The following GYG2 variants were observed in gnomAD, a reference collection of about 807,000 sequenced individuals.
GYG2 encodes glycogenin 2, also known as glycogenin-2.
A neutral mutation model predicts 29.4 loss-of-function variants in GYG2; 29 were observed. That is an observed-to-expected ratio of 0.99 (90% CI 0.74 to 1.35). The LOEUF (loss-of-function observed/expected upper bound fraction) is 1.35. Among genes scored for constraint, GYG2 ranks in the 40% most tolerant of loss-of-function variants. GYG2 has a pLI of 0.00. For synonymous variants in GYG2, 167 were observed against 172.3 expected (o/e 0.97, Z 0.24); for missense variants, 370 against 385.7 (o/e 0.96, Z 0.34).
intron 10 of GYG2, among the ~76,000 whole-genome samples, chrX:2,880,435 T>C (rs1299350203): frequency 3.7e-5 from 4 of 108,725 alleles, no homozygotes; most frequent in African/African-American, 6.7e-5. Flanking sequence ...TGTGTGTGTG[T>C]GTGTGCACAT....
At chrX:2,847,915 C>T (rs1392584784) in intron 3 of GYG2, among the ~76,000 whole-genome samples, 2 of 111,358 alleles carry the variant, frequency 1.8e-5, no homozygotes, top group South Asian at 3.7e-4. Context: ...CCCTGGGCTC[C>T]GCCCACCAGA....
intron 2 of GYG2, among the ~76,000 whole-genome samples, chrX:2,838,343 T>C (rs2087422125): frequency 9.0e-6 from 1 of 110,931 alleles, no homozygotes; most frequent in Non-Finnish European, 1.9e-5. Flanking sequence ...AATGTTCTCC[T>C]TAGCCTTGGT....
intron 7 of GYG2, among the ~76,000 whole-genome samples, chrX:2,861,213 C>T (rs2088155905): frequency 9.0e-6 from 1 of 111,451 alleles, no homozygotes; most frequent in Admixed American, 9.6e-5. Context: ...TAGCAATGGA[C>T]GTTTATTTGT....
intron 3 of GYG2, among the ~76,000 whole-genome samples, chrX:2,844,784 A>ACG (rs2087619909): frequency 4.9e-3 from 1 of 204 alleles, no homozygotes; most frequent in African/African-American, 5.7e-3. Flanking sequence ...ACACGTATGC[A>ACG]TATATATATA....
At position 2,878,187 on chromosome X, in the gene GYG2, G is replaced by A. The variant is rs1271293647; in HGVS notation, c.1251+880G>A. The A allele has an allele frequency of 5.4e-6, 4 of 743,866 alleles. No homozygotes were observed. The East Asian group carries it at 4.6e-4, about 85-fold the overall frequency. 61.3% of individuals were successfully genotyped at this position (743,866 alleles called of 1,213,427 possible). The stretch of plus-strand genomic sequence containing the variant: ...TCTGTAGTTATTAGTGAGTGACAGG[G>A]CATCAGTGTGAGGTTGGGTAAGACC... On this transcript the variant is annotated intron_variant, in intron 10 of 10. Coordinates refer to ENST00000398806, the MANE Select transcript of GYG2 (RefSeq NM_001079855.2).
chrX:2,847,703 AAAATAAATAAATAAAT>A (rs34250808), intron 3 of GYG2, among the ~76,000 whole-genome samples: 9 of 80,962 alleles, frequency 1.1e-4, no homozygotes, highest in African/African-American at 3.9e-4. Context: ...GGACTCTGTC[AAAATAAATAAATAAAT>A]AAATAAATAA....
intron 6 of GYG2, among the ~76,000 whole-genome samples, chrX:2,859,313 A>G (rs1232392556): frequency 4.5e-5 from 5 of 110,064 alleles, no homozygotes; most frequent in African/African-American, 1.6e-4. Flanking sequence ...TATTGATCAC[A>G]CATTGATTAC....
At chrX:2,872,235 A>G (rs2088488569) in intron 8 of GYG2, among the ~76,000 whole-genome samples, 3 of 112,320 alleles carry the variant, frequency 2.7e-5, no homozygotes, top group African/African-American at 9.7e-5. Context: ...AAGGATAAAA[A>G]GAAATGCAGT....
At chrX:2,859,733 A>T in intron 6 of GYG2, 110 bp from the exon 7 acceptor site, 1 of 471,710 alleles carries the variant, frequency 2.1e-6, no homozygotes, top group Non-Finnish European at 3.7e-6. Flanking sequence ...ACCCATTGGG[A>T]CAAGTCCTTC....
chrX:2,849,781 GT>G (rs2087826439), intron 3 of GYG2, among the ~76,000 whole-genome samples: 2 of 111,728 alleles, frequency 1.8e-5, no homozygotes, highest in Admixed American at 9.6e-5. Context: ...TGAGGAAAAA[GT>G]TAGTTGATTG....
intron 3 of GYG2, among the ~76,000 whole-genome samples, chrX:2,850,700 C>G (rs897420766): frequency 5.4e-5 from 6 of 111,323 alleles, no homozygotes; most frequent in Non-Finnish European, 1.1e-4. Flanking sequence ...CCTGGCTCAT[C>G]CTGGCTCAAA....
In GYG2 at chrX:2,852,107, A is replaced by G. The variant is rs1819746668; in HGVS notation, c.150-1873A>G. Among the ~76,000 whole-genome samples, 3 of 110,972 alleles carry G rather than the reference A, an allele frequency of 2.7e-5. No homozygotes were observed. The South Asian group carries it at 1.1e-3, about 42-fold the overall frequency. On this transcript the variant is annotated intron_variant, in intron 3 of 10. Coordinates refer to ENST00000398806, the MANE Select transcript of GYG2 (RefSeq NM_001079855.2). ...CCATTTCTACCAAAAAATACAAAAA[A>G]TTAGCCGGGCATGGTGGCATGCACT... is the stretch of plus-strand genomic sequence containing the variant.
chrX:2,861,826 G>A (rs1379578852), intron 8 of GYG2, 104 bp downstream of exon 8: 3 of 592,875 alleles, frequency 5.1e-6, no homozygotes, highest in Non-Finnish European at 8.2e-6. Context: ...GGAGATGGAG[G>A]GGAAGGGCTG....
intron 8 of GYG2, among the ~76,000 whole-genome samples, chrX:2,874,707 G>T (rs1248667593): frequency 1.8e-5 from 2 of 111,944 alleles, no homozygotes; most frequent in East Asian, 5.6e-4. Context: ...TCGATTAGGA[G>T]AATGAACTGG....
In GYG2 at chrX:2,871,338, G is replaced by T. The variant is rs929142554; in HGVS notation, c.1039-4472G>T. ...CATTTACCTCTTCTGTTTGTCTCTG[G>T]TATCTTCACTCTTAATTTTGTGCTG... On this transcript the variant is annotated intron_variant, in intron 8 of 10. Coordinates refer to ENST00000398806, the MANE Select transcript of GYG2 (RefSeq NM_001079855.2). Among the ~76,000 whole-genome samples, 56 of 108,997 alleles carry T rather than the reference G, an allele frequency of 5.1e-4. 1 individual carries two copies. The highest frequency in any genetic ancestry group is 4.0e-4 in the Non-Finnish European group (21 of 52,579). 94.7% of individuals were successfully genotyped at this position (108,997 alleles called of 115,157 possible).
intron 8 of GYG2, among the ~76,000 whole-genome samples, chrX:2,867,387 G>C (rs6642050): frequency 9.2e-6 from 1 of 108,732 alleles, no homozygotes; most frequent in East Asian, 2.9e-4. Flanking sequence ...GCAAGGGAGG[G>C]GAAAACAGAC....
At chrX:2,856,105 TAA>T (rs2147203980) in intron 5 of GYG2, among the ~76,000 whole-genome samples, 1 of 111,715 alleles carries the variant, frequency 9.0e-6, no homozygotes, top group South Asian at 3.7e-4. Flanking sequence ...TTTTGTAAAG[TAA>T]AAGAAAATAC....
At chrX:2,836,859 CA>C (rs781080445) in intron 2 of GYG2, among the ~76,000 whole-genome samples, 252 of 110,546 alleles carry the variant, frequency 2.3e-3, no homozygotes, top group Admixed American at 5.1e-3. Context: ...CCCTGCTACT[CA>C]GGAGGCTGAG....
At chrX:2,868,967 A>G (rs1176684597) in intron 8 of GYG2, among the ~76,000 whole-genome samples, 1 of 109,920 alleles carries the variant, frequency 9.1e-6, no homozygotes, top group Non-Finnish European at 1.9e-5. Flanking sequence ...GCTGTTTTGT[A>G]TACTAGTTAT....
Sources: allele counts gnomAD v4.1 joint callset (sites outside exome capture counted in the v4.1 genomes callset), GRCh38; gene constraint gnomAD v4.1.1; transcripts MANE v1.5; gene names NCBI Gene and HGNC (gene_info 2026-07-23, HGNC 2026-07-21).